Variants in HAT1 observed in about 807,000 individuals in gnomAD.
HAT1 encodes the protein histone acetyltransferase type B catalytic subunit.
A neutral mutation model predicts 56.6 loss-of-function variants in HAT1; 20 were observed. The observed-to-expected ratio is 0.35, with a 90% confidence interval of 0.25 to 0.51. The LOEUF (loss-of-function observed/expected upper bound fraction) is 0.51, where lower values mean the gene tolerates loss of function less well. Ranked by LOEUF, HAT1 falls within the 20% of genes least tolerant of loss-of-function variation. HAT1 has a pLI of 0.95. For synonymous variants in HAT1, 146 were observed against 165.5 expected (o/e 0.88, Z 0.91); for missense variants, 408 against 504.3 (o/e 0.81, Z 1.83).
At chr2:171,965,705 C>G (rs1200090126) in intron 5 of HAT1, 82 bp from the exon 6 acceptor site, 2 of 1,332,482 alleles carry the variant, frequency 1.5e-6, no homozygotes, top group East Asian at 4.6e-5. Flanking sequence ...AAACATTTTC[C>G]CACAGGATAA....
At chr2:171,922,587 C>T in intron 1 of HAT1, 80 bp downstream of exon 1, 3 of 1,167,494 alleles carry the variant, frequency 2.6e-6, no homozygotes, top group South Asian at 7.2e-5. Flanking sequence ...GTGACAATGC[C>T]CGCCTAGAAC....
intron 4 of HAT1, among the ~76,000 whole-genome samples, chr2:171,955,494 C>A (rs1414019859): frequency 2.0e-5 from 3 of 151,766 alleles, no homozygotes; most frequent in African/African-American, 7.3e-5. Context: ...ACATGTAATC[C>A]CAGCAACTTG....
At chr2:171,945,573 A>G (rs1687141445) in intron 2 of HAT1, among the ~76,000 whole-genome samples, 1 of 150,068 alleles carries the variant, frequency 6.7e-6, no homozygotes, top group Non-Finnish European at 1.5e-5. Flanking sequence ...GGCTCACTGC[A>G]ACCTCTACCT....
intron 2 of HAT1, among the ~76,000 whole-genome samples, chr2:171,944,669 T>A (rs886934915): frequency 2.0e-5 from 3 of 152,184 alleles, no homozygotes; most frequent in Admixed American, 2.0e-4. Context: ...TCATATTGCA[T>A]TGAATCAGGA....
chr2:171,980,607 G>T, intron 10 of HAT1: 1 of 152,330 alleles, frequency 6.6e-6, no homozygotes, highest in Non-Finnish European at 1.5e-5. Context: ...TGTAATCCCA[G>T]CACTTTGGGA....
intron 2 of HAT1, among the ~76,000 whole-genome samples, chr2:171,937,546 G>A (rs1686900866): frequency 6.6e-6 from 1 of 152,132 alleles, no homozygotes; most frequent in Admixed American, 6.6e-5. Context: ...TATATCTAAG[G>A]GAGTGGCAGC....
chr2:171,941,349 A>G (rs934599501), intron 2 of HAT1, among the ~76,000 whole-genome samples: 2 of 151,918 alleles, frequency 1.3e-5, no homozygotes, highest in East Asian at 1.9e-4. Flanking sequence ...AGTAGCTGTG[A>G]TTTTAGGTGT....
chr2:171,947,430 A>T lies in HAT1; in HGVS notation c.188+647A>T, dbSNP rs567577784. On this transcript the variant is annotated intron_variant, in intron 3 of 10. Transcript: ENST00000264108. Reference sequence around the variant, plus strand: ...CATCATGCCTGGCTTTTTTTAAAAAATTTTTTGTAGAGATTGGGTCTCCCT... The same window carrying T: ...CATCATGCCTGGCTTTTTTTAAAAATTTTTTTGTAGAGATTGGGTCTCCCT... Among the ~76,000 whole-genome samples the T allele has an allele frequency of 3.0e-4, 45 of 151,500 alleles. No individual in the cohort carries two copies. The South Asian group carries it at 8.4e-3, about 28-fold the overall frequency.
chr2:171,973,071 TG>T (rs1372788710), intron 8 of HAT1, among the ~76,000 whole-genome samples: 2 of 152,174 alleles, frequency 1.3e-5, no homozygotes, highest in African/African-American at 4.8e-5. Context: ...GGCAATCTCT[TG>T]CCTGATGCTA....
At position 171,966,867 on chromosome 2, in the gene HAT1, T is replaced by C; in HGVS notation, c.741T>C (p.Phe247=). 1 of 1,579,918 alleles carries C rather than the reference T, an allele frequency of 6.3e-7. No homozygotes were observed. Among genetic ancestry groups the C allele is most frequent in the Non-Finnish European group, 8.7e-7 (1 of 1,150,654 alleles). ...RVSQMLILTP[F]QGQGHGAQLL... ...GTCAGATGCTGATTTTGACTCCATT[T>C]CAAGGTCAAGGCCATGGTGCTCAAC... The change falls in exon 8 of 11, where the codon TTT becomes TTC. Residue 247 remains phenylalanine, a synonymous_variant. Transcript: ENST00000264108.
At chr2:171,933,756 A>G (rs1686800508) in intron 2 of HAT1, among the ~76,000 whole-genome samples, 1 of 152,188 alleles carries the variant, frequency 6.6e-6, no homozygotes, top group African/African-American at 2.4e-5. Context: ...TGTCAAGGTC[A>G]GACAATATAG....
At chr2:171,974,265 ATGT>A (rs751282267) in intron 8 of HAT1, among the ~76,000 whole-genome samples, 26 of 151,022 alleles carry the variant, frequency 1.7e-4, no homozygotes, top group African/African-American at 4.6e-4. Flanking sequence ...TTTCTCAACA[ATGT>A]TGTTTTCAGT....
chr2:171,961,795 T>C (rs934991231), intron 4 of HAT1, among the ~76,000 whole-genome samples: 12 of 152,132 alleles, frequency 7.9e-5, no homozygotes, highest in African/African-American at 1.9e-4. Flanking sequence ...GTTCACACTT[T>C]TAATTTCTCA....
chr2:171,953,001 G>A lies in HAT1; in HGVS notation c.309G>A (p.Glu103=). 1 of 1,563,482 alleles carries A rather than the reference G, an allele frequency of 6.4e-7. No individual in the cohort carries two copies. Among genetic ancestry groups the A allele is most frequent in the Non-Finnish European group, 8.7e-7 (1 of 1,152,128 alleles). ...SKVDENFDCV[E]ADDVEGKIRQ... is the part of the protein sequence containing the mutation. ...TTGATGAGAACTTTGACTGTGTAGA[G>A]GTAAGAACAGAAATACTTTTTAAAC... Residue 103 remains glutamate, a splice_region_variant and synonymous_variant, in exon 4 of 11, where the codon GAG becomes GAA. Coordinates refer to ENST00000264108, the MANE Select transcript of HAT1 (RefSeq NM_003642.4).
chr2:171,946,917 A>G (rs1262091469), intron 3 of HAT1, 134 bp downstream of exon 3: 10 of 557,628 alleles, frequency 1.8e-5, no homozygotes, highest in Non-Finnish European at 3.2e-5. Context: ...ATATGTTATA[A>G]TGGTGTTTTT....
At chr2:171,945,608 C>T (rs1687142360) in intron 2 of HAT1, among the ~76,000 whole-genome samples, 1 of 151,810 alleles carries the variant, frequency 6.6e-6, no homozygotes, top group African/African-American at 2.4e-5. Context: ...ATTCTCCTGC[C>T]TCAGCCCTCT....
intron 2 of HAT1, among the ~76,000 whole-genome samples, chr2:171,945,218 A>C (rs1420680765): frequency 6.6e-6 from 1 of 152,006 alleles, no homozygotes; most frequent in Non-Finnish European, 1.5e-5. Context: ...TTTTTTAATG[A>C]ATAAAATTTT....
intron 4 of HAT1, among the ~76,000 whole-genome samples, chr2:171,961,098 C>T (rs1447618283): frequency 3.3e-5 from 5 of 152,034 alleles, no homozygotes; most frequent in African/African-American, 1.2e-4. Flanking sequence ...GCCGAGTTCG[C>T]GCCACTGTAC....
intron 3 of HAT1, among the ~76,000 whole-genome samples, chr2:171,947,603 G>A (rs1558969278): frequency 6.6e-6 from 1 of 152,192 alleles, no homozygotes; most frequent in Non-Finnish European, 1.5e-5. Flanking sequence ...CCCAGGCCAG[G>A]CGCAGTGGCT....
Sources: gnomAD v4.1 joint callset for allele counts (sites outside exome capture counted in the v4.1 genomes callset) on GRCh38, gnomAD v4.1.1 for gene constraint, MANE v1.5 for transcripts, NCBI Gene and HGNC (gene_info 2026-07-23, HGNC 2026-07-21) for gene names.